PTPRD: variants seen among roughly 807,000 people sequenced by gnomAD.
PTPRD encodes the protein protein tyrosine phosphatase receptor type D.
PTPRD carries 34 observed loss-of-function variants against 214.5 expected under a neutral mutation model. The observed-to-expected ratio is 0.16, with a 90% CI of 0.12 to 0.21. The LOEUF (loss-of-function observed/expected upper bound fraction) is 0.21. Ranked by LOEUF, PTPRD falls within the 10% of genes least tolerant of loss-of-function variation. PTPRD has a pLI of 1.00. For synonymous variants in PTPRD, 1,128 were observed against 845.7 expected (o/e 1.33, Z -5.79); for missense variants, 2,545 against 2,398.7 (o/e 1.06, Z -1.27).
chr9:8,514,776 C>A (rs990300777), intron 21 of PTPRD, among the ~76,000 whole-genome samples: 1 of 152,126 alleles, frequency 6.6e-6, no homozygotes, highest in African/African-American at 2.4e-5. Flanking sequence ...AATGATTAGG[C>A]TCTGCGTCCC....
chr9:8,465,938 C>T (rs899279622), intron 31 of PTPRD, among the ~76,000 whole-genome samples: 8 of 151,858 alleles, frequency 5.3e-5, no homozygotes, highest in African/African-American at 1.9e-4. Context: ...TTTGCTGTAG[C>T]TCATTTCATT....
chr9:8,559,895 C>T (rs1031459364), intron 14 of PTPRD, among the ~76,000 whole-genome samples: 8 of 152,216 alleles, frequency 5.3e-5, no homozygotes, highest in African/African-American at 1.4e-4. Flanking sequence ...CTACCTAGAG[C>T]AATTAACATT....
At chr9:9,669,033 A>G (rs995446038) in intron 7 of PTPRD, among the ~76,000 whole-genome samples, 1 of 152,166 alleles carries the variant, frequency 6.6e-6, no homozygotes. Flanking sequence ...AACAAAGGGT[A>G]ATTTTTTTTG....
At chr9:9,709,732 GTA>G (rs2097690806) in intron 7 of PTPRD, among the ~76,000 whole-genome samples, 1 of 151,990 alleles carries the variant, frequency 6.6e-6, no homozygotes, top group African/African-American at 2.4e-5. Context: ...AATTTTTATA[GTA>G]CTATTTGCTC....
At chr9:8,966,371 A>G (rs1195840061) in intron 11 of PTPRD, among the ~76,000 whole-genome samples, 4 of 152,132 alleles carry the variant, frequency 2.6e-5, no homozygotes, top group Non-Finnish European at 4.4e-5. Flanking sequence ...TACAGTAACC[A>G]AAACAGCATG....
intron 2 of PTPRD, among the ~76,000 whole-genome samples, chr9:10,363,731 T>C (rs956704292): frequency 1.3e-5 from 2 of 152,182 alleles, no homozygotes; most frequent in East Asian, 3.8e-4. Context: ...AGATAACCAT[T>C]GTCCAAATAA....
chr9:8,822,819 C>G (rs919655446), intron 11 of PTPRD, among the ~76,000 whole-genome samples: 12 of 152,002 alleles, frequency 7.9e-5, no homozygotes, highest in African/African-American at 2.9e-4. Context: ...CCCCTCCCAT[C>G]CCCCAAAACC....
intron 9 of PTPRD, among the ~76,000 whole-genome samples, chr9:9,212,254 A>T (rs1251942581): frequency 1.3e-5 from 2 of 152,154 alleles, no homozygotes; most frequent in Non-Finnish European, 2.9e-5. Context: ...TTTAAATTTG[A>T]CAACAGCCTT....
chr9:9,429,285 A>G (rs1409357544), intron 8 of PTPRD, among the ~76,000 whole-genome samples: 3 of 152,222 alleles, frequency 2.0e-5, no homozygotes, highest in Non-Finnish European at 1.5e-5. Flanking sequence ...TTATGCAAAT[A>G]AACTACAAAA....
chr9:10,370,945 G>A (rs889122614), intron 2 of PTPRD, among the ~76,000 whole-genome samples: 5 of 151,886 alleles, frequency 3.3e-5, no homozygotes, highest in Non-Finnish European at 7.4e-5. Flanking sequence ...AAGTATTTCT[G>A]TTTGATGGAA....
chr9:10,440,678 C>G (rs1226951881), intron 2 of PTPRD, among the ~76,000 whole-genome samples: 1 of 151,622 alleles, frequency 6.6e-6, no homozygotes, highest in East Asian at 1.9e-4. Context: ...CTAGGTTGGA[C>G]AGATCATTTC....
At chr9:8,890,604 T>C (rs2098530835) in intron 11 of PTPRD, among the ~76,000 whole-genome samples, 1 of 152,250 alleles carries the variant, frequency 6.6e-6, no homozygotes, top group South Asian at 2.1e-4. Flanking sequence ...TTAATGTACT[T>C]ATTAGACAGC....
intron 8 of PTPRD, among the ~76,000 whole-genome samples, chr9:9,498,290 T>C (rs2096273983): frequency 6.6e-6 from 1 of 152,148 alleles, no homozygotes; most frequent in Non-Finnish European, 1.5e-5. Flanking sequence ...GTAAGCCAAG[T>C]ATGAATGTTG....
At chr9:9,961,777 A>T (rs2094384022) in intron 4 of PTPRD, among the ~76,000 whole-genome samples, 1 of 152,114 alleles carries the variant, frequency 6.6e-6, no homozygotes, top group Admixed American at 6.6e-5. Context: ...ATCAATTATA[A>T]AAATGTAACT....
chr9:8,323,755 C>T (rs1159805814), intron 44 of PTPRD, among the ~76,000 whole-genome samples: 1 of 152,118 alleles, frequency 6.6e-6, no homozygotes. Context: ...CATGAAGATG[C>T]TGTGAACACT....
intron 3 of PTPRD, among the ~76,000 whole-genome samples, chr9:10,275,622 A>G (rs13291455): frequency 0.32 from 48,143 of 152,012 alleles, 8,571 homozygotes; most frequent in African/African-American, 0.49. Flanking sequence ...CTACCAAAAA[A>G]GGGGCCAGTA....
intron 11 of PTPRD, among the ~76,000 whole-genome samples, chr9:8,752,463 C>G (rs568449466): frequency 6.6e-6 from 1 of 152,226 alleles, no homozygotes; most frequent in Admixed American, 6.5e-5. Flanking sequence ...AAATGGGCAA[C>G]CAGCAGCCCT....
chr9:9,495,198 TACA>T, intron 8 of PTPRD, among the ~76,000 whole-genome samples: 1 of 150,904 alleles, frequency 6.6e-6, no homozygotes, highest in African/African-American at 2.4e-5. Flanking sequence ...CCTAAATCTA[TACA>T]ACTCAGAGAA....
intron 11 of PTPRD, among the ~76,000 whole-genome samples, chr9:8,899,427 T>C (rs774366971): frequency 8.5e-5 from 13 of 152,178 alleles, no homozygotes; most frequent in Admixed American, 3.3e-4. Context: ...ATTTTTGTTG[T>C]TCAACTAGAG....
Sources: gnomAD v4.1 joint callset for allele counts (sites outside exome capture counted in the v4.1 genomes callset) on GRCh38, gnomAD v4.1.1 for gene constraint, MANE v1.5 for transcripts, NCBI Gene and HGNC (gene_info 2026-07-23, HGNC 2026-07-21) for gene names.